Variants in CNTN5 observed in about 807,000 individuals in gnomAD.
The protein encoded by CNTN5 is contactin-5.
A neutral mutation model predicts 129.1 loss-of-function variants in CNTN5; 77 were observed. The ratio of observed to expected loss-of-function variants is 0.60; its 90% CI spans 0.50 to 0.72. The LOEUF is 0.72. Among genes scored for constraint, CNTN5 ranks in the 30% least tolerant of loss-of-function variants. CNTN5 has a pLI of 0.00. For synonymous variants in CNTN5, 509 were observed against 465.6 expected (o/e 1.09, Z -1.20); for missense variants, 1,478 against 1,328.8 (o/e 1.11, Z -1.75).
intron 1 of CNTN5, among the ~76,000 whole-genome samples, chr11:99,096,057 T>C (rs929321250): frequency 1.3e-5 from 2 of 151,952 alleles, no homozygotes; most frequent in Non-Finnish European, 2.9e-5. Flanking sequence ...CATAGATGTT[T>C]TAGTTGAATT....
At chr11:99,455,003 T>C (rs1352064353) in intron 2 of CNTN5, among the ~76,000 whole-genome samples, 1 of 152,098 alleles carries the variant, frequency 6.6e-6, no homozygotes, top group Non-Finnish European at 1.5e-5. Context: ...ATGCACTGCA[T>C]ATAGAATCTA....
intron 18 of CNTN5, among the ~76,000 whole-genome samples, chr11:100,283,501 C>A (rs951007429): frequency 6.6e-6 from 1 of 152,162 alleles, no homozygotes; most frequent in Non-Finnish European, 1.5e-5. Context: ...CAACACAGGA[C>A]TTGCCTAGGA....
At position 99,665,622 on chromosome 11, in the gene CNTN5, G is replaced by C. The variant is rs186904668; in HGVS notation, c.55+109353G>C. Among the ~76,000 whole-genome samples the C allele has an allele frequency of 2.0e-5, 3 of 150,924 alleles. No individual in the cohort carries two copies. In the East Asian group the frequency reaches 6.0e-4, roughly 30 times the overall value. On this transcript the variant is annotated intron_variant, in intron 3 of 24. Transcript: ENST00000524871. Reference sequence around the variant, plus strand: ...CTGTCTCAGCCTCCCAAGTGGCTGGGTTTACAGGTGCCCAGCAACTTGCCC... The same window carrying C: ...CTGTCTCAGCCTCCCAAGTGGCTGGCTTTACAGGTGCCCAGCAACTTGCCC...
intron 9 of CNTN5, among the ~76,000 whole-genome samples, chr11:100,007,224 C>T (rs1310285889): frequency 6.6e-6 from 1 of 151,952 alleles, no homozygotes; most frequent in Non-Finnish European, 1.5e-5. Context: ...TTCTTAAGGG[C>T]CCTATGATTT....
intron 13 of CNTN5, among the ~76,000 whole-genome samples, chr11:100,107,865 T>C (rs1472137546): frequency 2.6e-5 from 4 of 151,866 alleles, no homozygotes; most frequent in Non-Finnish European, 5.9e-5. Context: ...TGTATGCATG[T>C]GTGTGTGCTT....
chr11:100,091,485 C>CTGGTGTAA (rs1417047444), intron 13 of CNTN5, among the ~76,000 whole-genome samples: 3 of 136,256 alleles, frequency 2.2e-5, no homozygotes, highest in African/African-American at 8.4e-5. Context: ...CTAGAGCGTA[C>CTGGTGTAA]TGGTGTAATC....
intron 2 of CNTN5, among the ~76,000 whole-genome samples, chr11:99,435,997 T>C (rs1399290473): frequency 6.6e-6 from 1 of 152,188 alleles, no homozygotes; most frequent in Non-Finnish European, 1.5e-5. Flanking sequence ...CATAATTTTA[T>C]CAAATTTTCA....
intron 1 of CNTN5, among the ~76,000 whole-genome samples, chr11:99,292,808 G>A (rs1054007627): frequency 5.3e-5 from 8 of 152,106 alleles, no homozygotes; most frequent in Non-Finnish European, 1.2e-4. Context: ...CAAGCCTTGG[G>A]AGGTAGAGTA....
intron 9 of CNTN5, among the ~76,000 whole-genome samples, chr11:100,018,392 T>C (rs1481367142): frequency 6.6e-6 from 1 of 151,992 alleles, no homozygotes; most frequent in African/African-American, 2.4e-5. Context: ...TAGTCATGCA[T>C]AACTGAAATC....
chr11:99,571,740 C>T (rs1418836705), intron 3 of CNTN5, among the ~76,000 whole-genome samples: 6 of 152,088 alleles, frequency 3.9e-5, no homozygotes, highest in Non-Finnish European at 8.8e-5. Context: ...GGTACATATC[C>T]TGGTCATACT....
chr11:99,974,279 G>A (rs775251747), intron 8 of CNTN5, among the ~76,000 whole-genome samples: 19 of 152,102 alleles, frequency 1.2e-4, no homozygotes, highest in Middle Eastern at 3.2e-3. Flanking sequence ...AAGAGTACAC[G>A]CCTAATCTTT....
intron 2 of CNTN5, among the ~76,000 whole-genome samples, chr11:99,539,654 C>G (rs1948028012): frequency 6.6e-6 from 1 of 152,052 alleles, no homozygotes; most frequent in South Asian, 2.1e-4. Flanking sequence ...CAAACACTAT[C>G]ACACAGCCAG....
chr11:99,798,338 A>T (rs1665904069), intron 3 of CNTN5, among the ~76,000 whole-genome samples: 2 of 152,176 alleles, frequency 1.3e-5, no homozygotes, highest in African/African-American at 2.4e-5. Context: ...ACATAGTGAT[A>T]AATTGTTCCT....
chr11:100,238,516 AGAG>A (rs1949670743), intron 16 of CNTN5, among the ~76,000 whole-genome samples: 2 of 136,110 alleles, frequency 1.5e-5, no homozygotes, highest in Non-Finnish European at 3.1e-5. Flanking sequence ...AGAAGGGGGA[AGAG>A]GAGGAGGGGG....
chr11:99,401,191 T>G (rs1941788134), intron 2 of CNTN5, among the ~76,000 whole-genome samples: 1 of 152,152 alleles, frequency 6.6e-6, no homozygotes, highest in Non-Finnish European at 1.5e-5. Context: ...AATGTTTTCT[T>G]GTAGTAGTTT....
intron 1 of CNTN5, among the ~76,000 whole-genome samples, chr11:99,117,415 G>A (rs1398018731): frequency 6.6e-6 from 1 of 152,008 alleles, no homozygotes; most frequent in Non-Finnish European, 1.5e-5. Context: ...AACACGACCA[G>A]TTTGCCTTTC....
intron 2 of CNTN5, among the ~76,000 whole-genome samples, chr11:99,505,884 A>C (rs555350894): frequency 1.3e-5 from 2 of 152,320 alleles, no homozygotes; most frequent in Admixed American, 1.3e-4. Context: ...TCATTGGTCC[A>C]TAAATGAATG....
intron 18 of CNTN5, 56 bp downstream of exon 18, chr11:100,271,297 T>C: frequency 7.4e-7 from 1 of 1,344,298 alleles, no homozygotes; most frequent in Non-Finnish European, 1.0e-6. Context: ...GTCTTGAAAG[T>C]GAGTTGAATT....
At chr11:99,160,786 C>T (rs886765354) in intron 1 of CNTN5, among the ~76,000 whole-genome samples, 2 of 152,046 alleles carry the variant, frequency 1.3e-5, no homozygotes, top group African/African-American at 4.8e-5. Flanking sequence ...GTTCAAAATA[C>T]AGTGAGAGGG....
Sources: allele counts gnomAD v4.1 joint callset (sites outside exome capture counted in the v4.1 genomes callset), GRCh38; gene constraint gnomAD v4.1.1; transcripts MANE v1.5; gene names NCBI Gene and HGNC (gene_info 2026-07-23, HGNC 2026-07-21).